Variants in EPHB1 observed in about 807,000 individuals in gnomAD.
EPHB1 encodes the protein EPH receptor B1, also known as ephrin type-B receptor 1.
Under a neutral mutation model 94.4 loss-of-function variants are expected in EPHB1, and 30 were observed. That is an observed-to-expected ratio of 0.32 (90% CI 0.24 to 0.43). EPHB1 has a LOEUF of 0.43. Ranked by LOEUF, EPHB1 falls within the 20% of genes least tolerant of loss-of-function variation. EPHB1 has a pLI of 1.00. For missense variants in EPHB1, 1,055 were observed against 1,308.3 expected (o/e 0.81, Z 2.99); for synonymous variants, 522 against 489.1 (o/e 1.07, Z -0.89).
intron 3 of EPHB1, among the ~76,000 whole-genome samples, chr3:135,019,709 T>C (rs1277738701): frequency 6.6e-6 from 1 of 152,258 alleles, no homozygotes; most frequent in African/African-American, 2.4e-5. Context: ...ATTAAATTTA[T>C]TGGAAAACAT....
chr3:135,246,720 G>GA (rs745899345), intron 13 of EPHB1, among the ~76,000 whole-genome samples: 15 of 148,512 alleles, frequency 1.0e-4, no homozygotes, highest in Non-Finnish European at 1.5e-4. Flanking sequence ...AGGAGGAGGA[G>GA]AAAAAAGATT....
intron 13 of EPHB1, 100 bp downstream of exon 13, chr3:135,241,397 A>C (rs1943780136): frequency 6.9e-7 from 1 of 1,452,532 alleles, no homozygotes; most frequent in Non-Finnish European, 9.5e-7. Flanking sequence ...CGGCCTCATA[A>C]TCTGAACCTG....
At chr3:135,022,483 G>A (rs576184912) in intron 3 of EPHB1, among the ~76,000 whole-genome samples, 1 of 152,136 alleles carries the variant, frequency 6.6e-6, no homozygotes, top group Admixed American at 6.5e-5. Flanking sequence ...AAACCCACTT[G>A]TAACACTACT....
chr3:135,146,644 A>G (rs1576425576), intron 5 of EPHB1, among the ~76,000 whole-genome samples: 1 of 152,242 alleles, frequency 6.6e-6, no homozygotes, highest in African/African-American at 2.4e-5. Flanking sequence ...AGCGTTTATC[A>G]CTCCAGCCTC....
intron 4 of EPHB1, among the ~76,000 whole-genome samples, chr3:135,124,119 G>A (rs1940098010): frequency 6.6e-6 from 1 of 151,722 alleles, no homozygotes; most frequent in African/African-American, 2.4e-5. Context: ...CAACCATGCT[G>A]CTTCCTTGAT....
At chr3:135,057,497 G>C (rs1205719895) in intron 3 of EPHB1, among the ~76,000 whole-genome samples, 2 of 152,050 alleles carry the variant, frequency 1.3e-5, no homozygotes, top group African/African-American at 4.8e-5. Context: ...CTTCCCATCT[G>C]TGATGCTCAC....
At chr3:134,838,029 G>T (rs1431569694) in intron 1 of EPHB1, among the ~76,000 whole-genome samples, 1 of 152,180 alleles carries the variant, frequency 6.6e-6, no homozygotes, top group African/African-American at 2.4e-5. Flanking sequence ...CAGGAGTGCT[G>T]CCTGGGTGGG....
At chr3:135,235,913 T>C (rs898509146) in intron 12 of EPHB1, among the ~76,000 whole-genome samples, 5 of 152,162 alleles carry the variant, frequency 3.3e-5, no homozygotes, top group African/African-American at 1.2e-4. Flanking sequence ...GGGGCTTTGA[T>C]ATAAAGTGTT....
chr3:134,862,138 G>A (rs918647629), intron 1 of EPHB1, among the ~76,000 whole-genome samples: 1 of 152,172 alleles, frequency 6.6e-6, no homozygotes, highest in African/African-American at 2.4e-5. Flanking sequence ...GGTGAGGGAA[G>A]GGGGATGGAG....
At chr3:134,821,536 G>C (rs1377181240) in intron 1 of EPHB1, among the ~76,000 whole-genome samples, 3 of 152,082 alleles carry the variant, frequency 2.0e-5, no homozygotes, top group Non-Finnish European at 4.4e-5. Flanking sequence ...GGGGTGGGGA[G>C]ACAGAATTAG....
intron 7 of EPHB1, 45 bp downstream of exon 7, chr3:135,162,225 G>A (rs142492011): frequency 6.6e-7 from 1 of 1,512,594 alleles, no homozygotes; most frequent in African/African-American, 1.4e-5. Flanking sequence ...GGCAGGCAGT[G>A]TGGGAGAAAA....
At chr3:135,255,732 G>A (rs1933354955) in intron 15 of EPHB1, among the ~76,000 whole-genome samples, 1 of 150,786 alleles carries the variant, frequency 6.6e-6, no homozygotes, top group South Asian at 2.1e-4. Flanking sequence ...TGTCTATTAG[G>A]TCTGCTTGGT....
intron 3 of EPHB1, among the ~76,000 whole-genome samples, chr3:135,019,900 T>G (rs1935930643): frequency 6.6e-6 from 1 of 152,258 alleles, no homozygotes; most frequent in Non-Finnish European, 1.5e-5. Flanking sequence ...TTCTTTAGAA[T>G]AGGTTCCTAG....
chr3:134,934,696 G>T (rs1051230743), intron 2 of EPHB1, among the ~76,000 whole-genome samples: 15 of 151,452 alleles, frequency 9.9e-5, no homozygotes, highest in African/African-American at 3.4e-4. Flanking sequence ...CGGTATGGGT[G>T]GGGGAGGGGA....
chr3:135,179,407 G>T (rs754561553), intron 9 of EPHB1, among the ~76,000 whole-genome samples: 3 of 152,180 alleles, frequency 2.0e-5, no homozygotes, highest in African/African-American at 7.2e-5. Flanking sequence ...TTACAGCCCT[G>T]CACCACAGCC....
At chr3:135,097,452 C>T (rs1004628496) in intron 3 of EPHB1, among the ~76,000 whole-genome samples, 4 of 152,188 alleles carry the variant, frequency 2.6e-5, no homozygotes, top group African/African-American at 9.7e-5. Flanking sequence ...ACCTCAGTGT[C>T]TGTCCCTCTC....
rs556824775 is a variant in EPHB1 at position 134,889,508 on chromosome 3, G to A, written c.59-36308G>A. 7.2e-5 allele frequency among the ~76,000 whole-genome samples: 11 copies of A among 151,730 alleles called. No homozygotes were observed. In the East Asian group the frequency reaches 2.1e-3, roughly 29 times the overall value. ...TCCCTCTGGAAAAAGAAATAATGGG[G>A]GTATTTCTAAACTGTATATTTTATT... On this transcript the variant is annotated intron_variant, in intron 1 of 15. Coordinates refer to ENST00000398015, the MANE Select transcript of EPHB1 (RefSeq NM_004441.5).
intron 3 of EPHB1, among the ~76,000 whole-genome samples, chr3:135,020,178 A>G (rs1935940295): frequency 6.6e-6 from 1 of 152,108 alleles, no homozygotes; most frequent in Non-Finnish European, 1.5e-5. Context: ...TTATATGTCA[A>G]GTTTATTACC....
At chr3:135,172,035 A>G (rs1478905991) in intron 9 of EPHB1, among the ~76,000 whole-genome samples, 3 of 152,232 alleles carry the variant, frequency 2.0e-5, no homozygotes, top group African/African-American at 7.2e-5. Context: ...AAGGTGATAT[A>G]TAAACAGTGT....
Sources: allele counts gnomAD v4.1 joint callset (sites outside exome capture counted in the v4.1 genomes callset), GRCh38; gene constraint gnomAD v4.1.1; transcripts MANE v1.5; gene names NCBI Gene and HGNC (gene_info 2026-07-23, HGNC 2026-07-21).